The following RPS6KA2 variants were observed in gnomAD, a reference collection of about 807,000 sequenced individuals.
RPS6KA2 encodes ribosomal protein S6 kinase alpha-2.
In RPS6KA2, 42 loss-of-function variants were observed where a neutral mutation model predicts 91.8. The observed-to-expected ratio is 0.46, with a 90% CI of 0.36 to 0.59. The LOEUF is 0.59. Among genes scored for constraint, RPS6KA2 ranks in the 20% least tolerant of loss-of-function variants. The probability of loss-of-function intolerance (pLI) is 0.00; values close to 1 mark genes in which losing one functional copy is unlikely to be tolerated. For missense variants in RPS6KA2, 798 were observed against 978.5 expected (o/e 0.82, Z 2.46); for synonymous variants, 414 against 393.6 (o/e 1.05, Z -0.61).
intron 2 of RPS6KA2, among the ~76,000 whole-genome samples, chr6:166,743,009 G>A (rs1221118413): frequency 6.6e-6 from 1 of 152,230 alleles, no homozygotes; most frequent in Non-Finnish European, 1.5e-5. Context: ...TGGTATGAAA[G>A]CAGCTAGCGC....
In RPS6KA2 at chr6:166,434,659, T is replaced by C. The variant is rs1017767576; in HGVS notation, c.1333-2169A>G. On this transcript the variant is annotated intron_variant, in intron 14 of 20. Transcript: ENST00000265678. The surrounding 1 kb of genome is among the most constrained non-coding windows in gnomAD (Gnocchi z 4.4). ...TATAAAAGAATTCAGTAGAAGATTT[T>C]TTCGCAAATATGATTTCATGATAAA... 6.6e-6 allele frequency among the ~76,000 whole-genome samples: 1 copy of C among 152,224 alleles called. No individual in the cohort carries two copies. Among genetic ancestry groups the C allele is most frequent in the Admixed American group, 6.5e-5 (1 of 15,278 alleles).
Position 166,530,214 on chromosome 6 carries a change from A to G in RPS6KA2, c.298+1018T>C, listed in dbSNP as rs185001109. Among the ~76,000 whole-genome samples, 369 of 152,300 alleles carry G rather than the reference A, an allele frequency of 2.4e-3. 2 individuals carry two copies. Among genetic ancestry groups the G allele is most frequent in the African/African-American group, 8.5e-3 (353 of 41,576 alleles). On this transcript the variant is annotated intron_variant, in intron 3 of 20. Transcript: ENST00000265678. The stretch of plus-strand genomic sequence containing the variant: ...ACATCTCAGAGCCTCATGGGGCCCC[A>G]AGGCCTCTGCATGAGCTCCCTGCTC...
In RPS6KA2 at chr6:166,437,441, G is replaced by A. The variant is rs548629648; in HGVS notation, c.1333-4951C>T. Among the ~76,000 whole-genome samples the A allele has an allele frequency of 1.2e-4, 18 of 152,310 alleles. No homozygotes were observed. The highest frequency in any genetic ancestry group is 5.8e-4 in the East Asian group (3 of 5,192). On this transcript the variant is annotated intron_variant, in intron 14 of 20. Coordinates refer to ENST00000265678, the MANE Select transcript of RPS6KA2 (RefSeq NM_021135.6). This position sits in a 1 kb window ranked among gnomAD's most constrained non-coding sequence, Gnocchi z 4.3. ...GCTGACGCTCAAATAATGCTGACGC[G>A]CCACGGAGTAGGAGTGGTGTCGTGG...
rs929195614 is a variant in RPS6KA2 at position 166,448,345 on chromosome 6, T to C, written c.1332+379A>G. Among the ~76,000 whole-genome samples the C allele has an allele frequency of 6.6e-6, 1 of 152,224 alleles. No individual in the cohort carries two copies. Among genetic ancestry groups the C allele is most frequent in the Non-Finnish European group, 1.5e-5 (1 of 68,036 alleles). ...AAACTTTTGCTCTTGGTGTATGTCA[T>C]ACACCAAGCTACGAAAGGTGCTCAG... On this transcript the variant is annotated intron_variant, in intron 14 of 20. Coordinates refer to ENST00000265678, the MANE Select transcript of RPS6KA2 (RefSeq NM_021135.6). The surrounding 1 kb of genome is among the most constrained non-coding windows in gnomAD (Gnocchi z 4.7).
intron 2 of RPS6KA2, among the ~76,000 whole-genome samples, chr6:166,704,490 T>TGCACTCACGTTTTAAGTCACCGTGTA (rs1290767098): frequency 6.6e-6 from 1 of 152,236 alleles, no homozygotes; most frequent in African/African-American, 2.4e-5. Context: ...ATTTCTCTGA[T>TGCACTCACGTTTTAAGTCACCGTGTA]GCACTCACGT....
chr6:166,473,977 A>G lies in RPS6KA2; in HGVS notation c.908-4072T>C, dbSNP rs113168408. 2.6e-3 allele frequency among the ~76,000 whole-genome samples: 308 copies of G among 119,690 alleles called. 2 individuals carry two copies. The highest frequency in any genetic ancestry group is 4.3e-3 in the Non-Finnish European group (253 of 58,974). 78.5% of individuals were successfully genotyped at this position (119,690 alleles called of 152,430 possible). A position where few individuals can be genotyped will look rare whatever the true frequency, so the allele number is the denominator to read the frequency against. On this transcript the variant is annotated intron_variant, in intron 10 of 20. Coordinates refer to ENST00000265678, the MANE Select transcript of RPS6KA2 (RefSeq NM_021135.6). ...TTTTTTTTGGCCAATTTGAAATTTC[A>G]TCTATTTCATGTTTACACCCTTTGT... is the stretch of plus-strand genomic sequence containing the variant.
chr6:166,487,737 G>C (rs1309425937), intron 10 of RPS6KA2, among the ~76,000 whole-genome samples: 2 of 152,180 alleles, frequency 1.3e-5, no homozygotes, highest in African/African-American at 4.8e-5. Context: ...TGAATCTCAT[G>C]GGGATTAGTA....
At chr6:166,528,070 T>G (rs1562558103) in intron 3 of RPS6KA2, among the ~76,000 whole-genome samples, 1 of 152,218 alleles carries the variant, frequency 6.6e-6, no homozygotes, top group African/African-American at 2.4e-5. Context: ...GTGAACCGCC[T>G]AGGAGTGGAC....
intron 2 of RPS6KA2, among the ~76,000 whole-genome samples, chr6:166,713,424 C>T (rs1789923448): frequency 6.6e-6 from 1 of 152,164 alleles, no homozygotes; most frequent in South Asian, 2.1e-4. Flanking sequence ...TTGTTGTGAA[C>T]AGTTGGTGGG....
rs1778363244 is a variant in RPS6KA2 at position 166,767,864 on chromosome 6, A to C, written c.123+90336T>G. ...CCACAGAGTGTGTGCGGGGATTGCT[A>C]ACCATGGCAGAGCCTGCTCTCACTG... is the stretch of plus-strand genomic sequence containing the variant. On this transcript the variant is annotated intron_variant, in intron 2 of 21. Transcript: ENST00000503859. The surrounding 1 kb of genome is among the most constrained non-coding windows in gnomAD (Gnocchi z 4.6). Among the ~76,000 whole-genome samples, 1 of 151,854 alleles carries C rather than the reference A, an allele frequency of 6.6e-6. No homozygotes were observed. The highest frequency in any genetic ancestry group is 2.4e-5 in the African/African-American group (1 of 41,314).
chr6:166,735,553 A>G (rs1037281104), intron 2 of RPS6KA2, among the ~76,000 whole-genome samples: 4 of 152,198 alleles, frequency 2.6e-5, no homozygotes, highest in Non-Finnish European at 5.9e-5. Context: ...TGGGAGTCCT[A>G]AGCTTGTTTT....
intron 2 of RPS6KA2, among the ~76,000 whole-genome samples, chr6:166,776,078 C>T (rs999584964): frequency 3.9e-5 from 6 of 152,146 alleles, no homozygotes; most frequent in East Asian, 1.9e-4. Flanking sequence ...GAGGCTGGGG[C>T]GCTCACCACT....
At chr6:166,785,876 A>G (rs913321200) in intron 2 of RPS6KA2, among the ~76,000 whole-genome samples, 2 of 152,254 alleles carry the variant, frequency 1.3e-5, no homozygotes, top group African/African-American at 4.8e-5. Context: ...AAGATTTTTT[A>G]CCTTTCTTCC....
chr6:166,547,663 G>A (rs958757278), intron 1 of RPS6KA2, among the ~76,000 whole-genome samples: 1 of 152,276 alleles, frequency 6.6e-6, no homozygotes, highest in Non-Finnish European at 1.5e-5. Flanking sequence ...CACGTGTGCA[G>A]CACGAGGTCA....
At chr6:166,502,436 T>A (rs1782058145) in intron 6 of RPS6KA2, among the ~76,000 whole-genome samples, 1 of 152,228 alleles carries the variant, frequency 6.6e-6, no homozygotes, top group Non-Finnish European at 1.5e-5. Flanking sequence ...CAACACAACC[T>A]TTTCCTTCAA....
rs1463475868 is a variant in RPS6KA2 at position 166,789,391 on chromosome 6, T to A, written c.123+68809A>T. On this transcript the variant is annotated intron_variant, in intron 2 of 21. Coordinates refer to the RPS6KA2 transcript ENST00000503859. ...CGAACTGGGTGGAGTCCACCACAGC[T>A]CAAGGAGGCCGGCCTGCCTGCCTCT... 2.0e-5 allele frequency among the ~76,000 whole-genome samples: 3 copies of A among 152,198 alleles called. No individual in the cohort carries two copies. In the East Asian group the frequency reaches 5.8e-4, roughly 29 times the overall value.
At chr6:166,827,232 C>T (rs191344758) in intron 2 of RPS6KA2, among the ~76,000 whole-genome samples, 1 of 126,210 alleles carries the variant, frequency 7.9e-6, no homozygotes, top group East Asian at 2.3e-4. Flanking sequence ...CACAACCTTG[C>T]ACAAAGGCCA....
intron 1 of RPS6KA2, among the ~76,000 whole-genome samples, chr6:166,550,525 T>C (rs961019221): frequency 1.3e-5 from 2 of 152,158 alleles, no homozygotes; most frequent in African/African-American, 2.4e-5. Flanking sequence ...TGCATGAACA[T>C]GGAATGTCCA....
Position 166,666,009 on chromosome 6 carries a change from A to G in RPS6KA2, c.124-127225T>C, listed in dbSNP as rs566924649. The stretch of plus-strand genomic sequence containing the variant: ...GCTTAAATCAAGTGGAAAAGCCCAC[A>G]TCACCACAGGCTGCGATCTGAAGGA... On this transcript the variant is annotated intron_variant, in intron 2 of 21. Coordinates refer to the RPS6KA2 transcript ENST00000503859. This position sits in a 1 kb window ranked among gnomAD's most constrained non-coding sequence, Gnocchi z 4.0. 6.6e-6 allele frequency among the ~76,000 whole-genome samples: 1 copy of G among 152,364 alleles called. No homozygotes were observed. The highest frequency in any genetic ancestry group is 1.9e-4 in the East Asian group (1 of 5,192).
Sources: gnomAD v4.1 joint callset for allele counts (sites outside exome capture counted in the v4.1 genomes callset) on GRCh38, gnomAD v4.1.1 for gene constraint, Gnocchi (gnomAD v3.1) non-coding constraint, MANE v1.5 for transcripts, NCBI Gene and HGNC (gene_info 2026-07-23, HGNC 2026-07-21) for gene names.